Variants in IGFBP7 observed in about 807,000 individuals in gnomAD.
IGFBP7 encodes insulin like growth factor binding protein 7.
IGFBP7 carries 31 observed loss-of-function variants against 29.4 expected under a neutral mutation model. That is an observed-to-expected ratio of 1.05 (90% CI 0.79 to 1.42). The LOEUF (loss-of-function observed/expected upper bound fraction) is 1.42. Among genes scored for constraint, IGFBP7 ranks in the 40% most tolerant of loss-of-function variants. The probability of loss-of-function intolerance (pLI) is 0.00; values close to 1 mark genes in which losing one functional copy is unlikely to be tolerated. For synonymous variants in IGFBP7, 172 were observed against 174.9 expected (o/e 0.98, Z 0.13); for missense variants, 393 against 395.5 (o/e 0.99, Z 0.05).
chr4:57,072,489 C>T (rs1053850609), intron 1 of IGFBP7, among the ~76,000 whole-genome samples: 10 of 152,160 alleles, frequency 6.6e-5, no homozygotes, highest in Middle Eastern at 3.4e-3. Flanking sequence ...GCTGTGTTCA[C>T]GCCACTGCAC....
At chr4:57,103,655 C>CTTTTTTTT in intron 1 of IGFBP7, among the ~76,000 whole-genome samples, 1 of 63,712 alleles carries the variant, frequency 1.6e-5, no homozygotes, top group Non-Finnish European at 2.9e-5. Flanking sequence ...TTTTTTTTTT[C>CTTTTTTTT]TTTTCTTTTT....
intron 1 of IGFBP7, among the ~76,000 whole-genome samples, chr4:57,100,795 T>C (rs1355463984): frequency 6.6e-6 from 1 of 152,248 alleles, no homozygotes; most frequent in African/African-American, 2.4e-5. Flanking sequence ...AGAGAGTCAA[T>C]GTTGCTGGTC....
chr4:57,095,067 CTT>C (rs1350250358), intron 1 of IGFBP7, among the ~76,000 whole-genome samples: 5 of 152,198 alleles, frequency 3.3e-5, no homozygotes, highest in African/African-American at 1.2e-4. Context: ...TGGCCCCAAA[CTT>C]TGTGCTGAAG....
At chr4:57,046,399 C>T (rs1288104186) in intron 1 of IGFBP7, among the ~76,000 whole-genome samples, 1 of 152,104 alleles carries the variant, frequency 6.6e-6, no homozygotes, top group Non-Finnish European at 1.5e-5. Flanking sequence ...TTCCACTCTA[C>T]CTTTCTTCCA....
intron 1 of IGFBP7, among the ~76,000 whole-genome samples, chr4:57,047,957 C>G (rs113283523): frequency 0.094 from 14,293 of 152,214 alleles, 819 homozygotes; most frequent in African/African-American, 0.15. Context: ...TGGTCTTGAA[C>G]TCCTGAGCTC....
intron 1 of IGFBP7, among the ~76,000 whole-genome samples, chr4:57,057,975 G>T (rs1371189235): frequency 1.3e-5 from 2 of 152,148 alleles, no homozygotes; most frequent in Admixed American, 1.3e-4. Context: ...ATATGACTTT[G>T]ACCTGTCTCC....
chr4:57,096,272 A>G (rs781598172), intron 1 of IGFBP7, among the ~76,000 whole-genome samples: 2 of 146,636 alleles, frequency 1.4e-5, no homozygotes, highest in African/African-American at 5.1e-5. Flanking sequence ...TACACTTCCC[A>G]TGGCACACTA....
chr4:57,071,912 G>C (rs1226756305), intron 1 of IGFBP7, among the ~76,000 whole-genome samples: 4 of 152,182 alleles, frequency 2.6e-5, no homozygotes, highest in African/African-American at 9.7e-5. Flanking sequence ...GAGATGGAAA[G>C]ATTGCTTGAG....
intron 1 of IGFBP7, among the ~76,000 whole-genome samples, chr4:57,070,534 A>G (rs1467447162): frequency 6.6e-6 from 1 of 152,224 alleles, no homozygotes; most frequent in East Asian, 1.9e-4. Flanking sequence ...ATTTAAAAAT[A>G]TTAGTTTGTG....
chr4:57,094,958 A>T (rs780564639), intron 1 of IGFBP7, among the ~76,000 whole-genome samples: 1 of 152,248 alleles, frequency 6.6e-6, no homozygotes, highest in South Asian at 2.1e-4. Context: ...TTCTAGTTTC[A>T]GCTGTCACAC....
intron 1 of IGFBP7, among the ~76,000 whole-genome samples, chr4:57,106,937 T>C (rs1726049745): frequency 6.6e-6 from 1 of 152,200 alleles, no homozygotes; most frequent in South Asian, 2.1e-4. Flanking sequence ...AAATTCATAA[T>C]GACAGTTCCA....
At position 57,063,028 on chromosome 4, in the gene IGFBP7, G is replaced by A. The variant is rs186351959; in HGVS notation, c.476-22095C>T. On this transcript the variant is annotated intron_variant, in intron 1 of 4. Coordinates refer to ENST00000295666, the MANE Select transcript of IGFBP7 (RefSeq NM_001553.3). ...TCTTGCCACATCCCTCCTGAACCCT[G>A]AGCTCCAGCCATAATGAACTTGCTG... Among the ~76,000 whole-genome samples, 5 of 152,134 alleles carry A rather than the reference G, an allele frequency of 3.3e-5. No homozygotes were observed. The East Asian group carries it at 9.7e-4, about 29-fold the overall frequency.
At chr4:57,044,819 C>G (rs1241504514) in intron 1 of IGFBP7, among the ~76,000 whole-genome samples, 2 of 152,176 alleles carry the variant, frequency 1.3e-5, no homozygotes, top group East Asian at 3.8e-4. Context: ...CTGTTCCCCC[C>G]CAATCATCTT....
intron 1 of IGFBP7, among the ~76,000 whole-genome samples, chr4:57,080,633 TC>T (rs906953756): frequency 5.9e-5 from 9 of 152,132 alleles, no homozygotes; most frequent in Non-Finnish European, 1.2e-4. Flanking sequence ...GCTCAAGTGA[TC>T]CTCCCACTCC....
rs116348030 is a variant in IGFBP7 at position 57,035,023 on chromosome 4, T to G, written c.586-1712A>C. 3.7e-3 allele frequency among the ~76,000 whole-genome samples: 560 copies of G among 152,362 alleles called. 8 individuals are homozygous for G. Among genetic ancestry groups the G allele is most frequent in the African/African-American group, 0.012 (503 of 41,580 alleles). On this transcript the variant is annotated intron_variant, in intron 2 of 4. Transcript: ENST00000295666. ...GAATATTTTGGTAGAAGTATTAATT[T>G]GATCCAAGGTCTCAAGTAATATGAC... is the stretch of plus-strand genomic sequence containing the variant.
intron 1 of IGFBP7, among the ~76,000 whole-genome samples, chr4:57,043,562 C>A (rs1724283296): frequency 6.6e-6 from 1 of 152,204 alleles, no homozygotes; most frequent in Non-Finnish European, 1.5e-5. Context: ...TTTTCCCACT[C>A]ATCTAAAGCA....
chr4:57,076,371 G>A (rs11573061), intron 1 of IGFBP7, among the ~76,000 whole-genome samples: 1 of 152,168 alleles, frequency 6.6e-6, no homozygotes, highest in Non-Finnish European at 1.5e-5. Flanking sequence ...CAACAGGAAT[G>A]CCATGAAGCC....
At chr4:57,035,364 G>C (rs1724057339) in intron 2 of IGFBP7, among the ~76,000 whole-genome samples, 1 of 152,122 alleles carries the variant, frequency 6.6e-6, no homozygotes, top group Non-Finnish European at 1.5e-5. Flanking sequence ...AGAAAACATA[G>C]AAAAAAGTGC....
At chr4:57,055,505 G>A (rs1713964) in intron 1 of IGFBP7, among the ~76,000 whole-genome samples, 138,941 of 152,112 alleles carry the variant, frequency 0.91, 63,535 homozygotes, top group Middle Eastern at 0.98. Context: ...GGAGTGAGAG[G>A]CCAAGTACTA....
Sources: gnomAD v4.1 joint callset for allele counts (sites outside exome capture counted in the v4.1 genomes callset) on GRCh38, gnomAD v4.1.1 for gene constraint, MANE v1.5 for transcripts, NCBI Gene and HGNC (gene_info 2026-07-23, HGNC 2026-07-21) for gene names.